The following SSBP2 variants were observed in gnomAD, a reference collection of about 807,000 sequenced individuals.
The protein encoded by SSBP2 is single-stranded DNA-binding protein 2.
A neutral mutation model predicts 61.8 loss-of-function variants in SSBP2; 17 were observed. That is an observed-to-expected ratio of 0.28 (90% CI 0.19 to 0.41). The LOEUF (loss-of-function observed/expected upper bound fraction) is 0.41. SSBP2 is among the 10% of genes least tolerant of loss of function. The probability of loss-of-function intolerance (pLI) is 1.00; values close to 1 mark genes in which losing one functional copy is unlikely to be tolerated. For synonymous variants in SSBP2, 139 were observed against 141.3 expected, an observed-to-expected ratio of 0.98 and a Z score of 0.12; for missense variants, 310 against 458.7, an observed-to-expected ratio of 0.68 and a Z score of 2.96.
At chr5:81,557,159 T>C (rs752016730) in intron 4 of SSBP2, among the ~76,000 whole-genome samples, 2 of 152,184 alleles carry the variant, frequency 1.3e-5, no homozygotes, top group Non-Finnish European at 2.9e-5. Context: ...TTTAAAGATG[T>C]TGTTCCACTG....
At chr5:81,671,721 T>C (rs1007742946) in intron 1 of SSBP2, among the ~76,000 whole-genome samples, 2 of 152,070 alleles carry the variant, frequency 1.3e-5, no homozygotes, top group African/African-American at 4.8e-5. Context: ...TTAAGTAATT[T>C]TCAGATTTGC....
At chr5:81,461,208 A>G in intron 9 of SSBP2, 105 bp from the exon 10 acceptor site, 1 of 839,880 alleles carries the variant, frequency 1.2e-6, no homozygotes, top group Non-Finnish European at 1.7e-6. Flanking sequence ...GTTACTATGC[A>G]GTTCTAGTTT....
chr5:81,726,715 G>A (rs984939193), intron 1 of SSBP2, among the ~76,000 whole-genome samples: 12 of 151,942 alleles, frequency 7.9e-5, no homozygotes, highest in African/African-American at 2.2e-4. Context: ...AGTCACACTA[G>A]TCCTCCCTAC....
intron 3 of SSBP2, among the ~76,000 whole-genome samples, chr5:81,625,480 T>C (rs1024792755): frequency 6.6e-6 from 1 of 152,160 alleles, no homozygotes; most frequent in South Asian, 2.1e-4. Context: ...AATAATACTT[T>C]AGAGTTTTAT....
intron 3 of SSBP2, among the ~76,000 whole-genome samples, chr5:81,623,231 CTCT>C (rs376097978): frequency 6.6e-6 from 1 of 151,968 alleles, no homozygotes; most frequent in Non-Finnish European, 1.5e-5. Context: ...AATATAATAT[CTCT>C]TCTTCTTTCC....
At position 81,489,241 on chromosome 5, in the gene SSBP2, A is replaced by G; in HGVS notation, c.432+9T>C. On this transcript the variant is annotated intron_variant, in intron 6 of 16. Coordinates refer to ENST00000320672, the MANE Select transcript of SSBP2 (RefSeq NM_012446.5). The stretch of plus-strand genomic sequence containing the variant: ...CTTACAAAAAACTTACATAGCACAT[A>G]AATCTTACCTGATTAGGTATCCTCA... 6.2e-7 allele frequency: 1 copy of G among 1,606,586 alleles called. No homozygotes were observed. Among genetic ancestry groups the G allele is most frequent in the East Asian group, 2.2e-5 (1 of 44,750 alleles).
chr5:81,548,723 C>A (rs189710358), intron 4 of SSBP2, among the ~76,000 whole-genome samples: 34 of 152,250 alleles, frequency 2.2e-4, no homozygotes, highest in Admixed American at 8.5e-4. Context: ...GAGATCAAGA[C>A]CACCCTGGCT....
chr5:81,599,446 C>G (rs564541564), intron 4 of SSBP2, among the ~76,000 whole-genome samples: 31 of 152,320 alleles, frequency 2.0e-4, no homozygotes, highest in African/African-American at 7.5e-4. Context: ...TATCTAGCTT[C>G]TGGGAGGAGC....
rs553166723 is a variant in SSBP2 at position 81,668,241 on chromosome 5, G to A, written c.63-17902C>T. Among the ~76,000 whole-genome samples the A allele has an allele frequency of 3.1e-4, 30 of 96,828 alleles. 1 individual carries two copies. Among genetic ancestry groups the A allele is most frequent in the South Asian group, 2.1e-3 (6 of 2,840 alleles). The allele number at this position is 96,828 out of a possible 152,430, so 63.5% of individuals were successfully genotyped here. ...GTAGACTTAAAGATAGAGCTTATAT[G>A]GAAGTTTAAAAAAAAAAAAAAAAAA... On this transcript the variant is annotated intron_variant, in intron 1 of 16. Transcript: ENST00000320672.
intron 3 of SSBP2, among the ~76,000 whole-genome samples, chr5:81,633,136 GA>G (rs1290864785): frequency 6.6e-5 from 2 of 30,144 alleles, no homozygotes; most frequent in Non-Finnish European, 1.3e-4. Flanking sequence ...TTTTTTTTTT[GA>G]GAGAGTCTCA....
At chr5:81,434,633 C>CAAAAAAAAAA (rs34269591) in intron 15 of SSBP2, among the ~76,000 whole-genome samples, 18 of 43,010 alleles carry the variant, frequency 4.2e-4, no homozygotes, top group East Asian at 2.6e-3. Flanking sequence ...ACTCTTGACT[C>CAAAAAAAAAA]AAAAAAAAAA....
At chr5:81,567,033 T>C (rs1309480704) in intron 4 of SSBP2, among the ~76,000 whole-genome samples, 1 of 152,108 alleles carries the variant, frequency 6.6e-6, no homozygotes, top group Non-Finnish European at 1.5e-5. Context: ...GTTTGGAAAA[T>C]TTGCAGCCTG....
chr5:81,571,565 G>A (rs1773845042), intron 4 of SSBP2, among the ~76,000 whole-genome samples: 1 of 152,066 alleles, frequency 6.6e-6, no homozygotes, highest in South Asian at 2.1e-4. Context: ...GTTTAGGCAG[G>A]TCTCCAGATT....
At chr5:81,683,233 C>T (rs937412754) in intron 1 of SSBP2, among the ~76,000 whole-genome samples, 8 of 152,086 alleles carry the variant, frequency 5.3e-5, no homozygotes, top group African/African-American at 1.9e-4. Context: ...AGTCAGAGGA[C>T]TGACACTATT....
At chr5:81,638,121 G>A (rs965288086) in intron 2 of SSBP2, among the ~76,000 whole-genome samples, 1 of 148,838 alleles carries the variant, frequency 6.7e-6, no homozygotes, top group Non-Finnish European at 1.5e-5. Flanking sequence ...GGGGAGGGGG[G>A]AGAGATAGCA....
chr5:81,423,879 T>C (rs1437346349), intron 16 of SSBP2, among the ~76,000 whole-genome samples: 1 of 152,238 alleles, frequency 6.6e-6, no homozygotes, highest in African/African-American at 2.4e-5. Context: ...CATACGCATA[T>C]ACTCTATTAT....
intron 1 of SSBP2, among the ~76,000 whole-genome samples, chr5:81,724,556 G>A (rs151132233): frequency 3.9e-5 from 6 of 152,122 alleles, no homozygotes; most frequent in Non-Finnish European, 4.4e-5. Flanking sequence ...CTACCAATCA[G>A]CAGGAAAAGT....
chr5:81,658,076 T>TC (rs1382069327), intron 1 of SSBP2, among the ~76,000 whole-genome samples: 8 of 152,108 alleles, frequency 5.3e-5, no homozygotes, highest in Admixed American at 1.3e-4. Flanking sequence ...TAAAATCTAC[T>TC]CTCTCAGCAA....
chr5:81,503,690 T>C (rs1479076152), intron 5 of SSBP2, among the ~76,000 whole-genome samples: 7 of 152,186 alleles, frequency 4.6e-5, no homozygotes, highest in Non-Finnish European at 1.0e-4. Flanking sequence ...TGCATGTTCA[T>C]AGCAGTACTA....
Sources: allele counts gnomAD v4.1 joint callset (sites outside exome capture counted in the v4.1 genomes callset), GRCh38; gene constraint gnomAD v4.1.1; transcripts MANE v1.5; gene names NCBI Gene and HGNC (gene_info 2026-07-23, HGNC 2026-07-21).